STON1: variants seen among roughly 807,000 people sequenced by gnomAD.
STON1 encodes stonin-1.
STON1 carries 79 observed loss-of-function variants against 60.9 expected under a neutral mutation model. The ratio of observed to expected loss-of-function variants is 1.30; its 90% CI spans 1.08 to 1.56. The LOEUF (loss-of-function observed/expected upper bound fraction) is 1.56. STON1 is among the 40% of genes most tolerant of loss of function. The pLI is 0.00. For synonymous variants in STON1, 363 were observed against 306.9 expected, an observed-to-expected ratio of 1.18 and a Z score of -1.91; for missense variants, 1,166 against 858.9, an observed-to-expected ratio of 1.36 and a Z score of -4.47.
At chr2:48,549,055 TG>T (rs1671984000) in intron 1 of STON1, among the ~76,000 whole-genome samples, 2 of 152,168 alleles carry the variant, frequency 1.3e-5, no homozygotes, top group Non-Finnish European at 2.9e-5. Flanking sequence ...GCCTCTGTCT[TG>T]GAGATCACAG....
intron 1 of STON1, among the ~76,000 whole-genome samples, chr2:48,532,147 A>G (rs928748455): frequency 2.6e-5 from 4 of 152,158 alleles, no homozygotes; most frequent in African/African-American, 9.6e-5. Context: ...CAGGAGTTCG[A>G]GACCAGCCTG....
intron 1 of STON1, among the ~76,000 whole-genome samples, chr2:48,578,496 CT>C (rs939965299): frequency 5.4e-5 from 8 of 149,068 alleles, no homozygotes; most frequent in African/African-American, 2.0e-4. Context: ...AATTCTAATT[CT>C]CCTTTTTCTC....
rs868464963 is a variant in STON1 at position 48,564,596 on chromosome 2, C to T, written c.-47-15991C>T. Among the ~76,000 whole-genome samples the T allele has an allele frequency of 9.4e-3, 404 of 43,148 alleles. 83 individuals are homozygous for T. The highest frequency in any genetic ancestry group is 0.013 in the African/African-American group (170 of 13,146). 28.3% of individuals were successfully genotyped at this position (43,148 alleles called of 152,430 possible). ...TTCTCCTTCTCCTCCTCCTCCTCCT[C>T]CTCCTCCTTCTCCTTCTCCTTCTCC... On this transcript the variant is annotated intron_variant, in intron 1 of 3. Transcript: ENST00000404752.
chr2:48,562,001 C>T (rs1434268449), intron 1 of STON1, among the ~76,000 whole-genome samples: 1 of 152,322 alleles, frequency 6.6e-6, no homozygotes, highest in South Asian at 2.1e-4. Context: ...GCTGGGATTA[C>T]AGGCGTGCGC....
chr2:48,581,718 C>G lies in STON1; in HGVS notation c.1085C>G (p.Ser362Cys). 2.5e-6 allele frequency: 4 copies of G among 1,611,368 alleles called. No individual in the cohort carries two copies. Among genetic ancestry groups the G allele is most frequent in the Non-Finnish European group, 3.4e-6 (4 of 1,179,316 alleles). The change falls in exon 2 of 4, where the codon TCT (serine) becomes TGT (cysteine). Residue 362 changes from serine to cysteine, a missense_variant. Ser to Cys is a moderately radical substitution (Grantham distance 112). Transcript: ENST00000404752. The part of the protein sequence containing the change: ...VSYTEKRKYH[S>C]KTEVVHEPDI... ...TACACAGAAAAAAGGAAATACCATT[C>G]TAAGACAGAAGTAGTTCATGAACCT...
intron 1 of STON1, among the ~76,000 whole-genome samples, chr2:48,533,854 C>T (rs999965854): frequency 6.6e-6 from 1 of 151,028 alleles, no homozygotes; most frequent in African/African-American, 2.4e-5. Flanking sequence ...ATCGCAACCT[C>T]CACCTCCTGG....
At chr2:48,531,329 C>T (rs945828607) in intron 1 of STON1, 9 of 152,372 alleles carry the variant, frequency 5.9e-5, no homozygotes, top group African/African-American at 2.2e-4. Flanking sequence ...GCTGTGAAAA[C>T]AAGGCAATGG....
At chr2:48,538,763 ATTTTTT>A (rs34052598) in intron 1 of STON1, among the ~76,000 whole-genome samples, 5 of 86,364 alleles carry the variant, frequency 5.8e-5, no homozygotes, top group East Asian at 7.1e-4. Flanking sequence ...ACACCCAGCT[ATTTTTT>A]TTTTTTTTTT....
intron 1 of STON1, among the ~76,000 whole-genome samples, chr2:48,550,966 C>G (rs1315201042): frequency 1.3e-5 from 2 of 151,802 alleles, no homozygotes; most frequent in Non-Finnish European, 2.9e-5. Context: ...TTTCTTTTTA[C>G]TTAAAAAAAA....
chr2:48,545,876 C>T (rs186243268), intron 1 of STON1, among the ~76,000 whole-genome samples: 6 of 152,320 alleles, frequency 3.9e-5, no homozygotes, highest in Non-Finnish European at 8.8e-5. Flanking sequence ...GGTCATGATG[C>T]TAAGGCTGAC....
chr2:48,530,246 G>C (rs1232827648), intron 1 of STON1, 30 bp downstream of exon 1: 5 of 363,676 alleles, frequency 1.4e-5, no homozygotes, highest in African/African-American at 2.2e-5. Flanking sequence ...GGACAGAGAC[G>C]GGAGGCCTGG....
intron 1 of STON1, among the ~76,000 whole-genome samples, chr2:48,547,216 G>A (rs1671895901): frequency 6.6e-6 from 1 of 152,214 alleles, no homozygotes. Flanking sequence ...CAAATGAAAT[G>A]TTAGAAAAGA....
Position 48,553,174 on chromosome 2 carries a change from C to T in STON1, c.-48+22958C>T, listed in dbSNP as rs559753217. ...TGGTCAGAGCAGTGACAGCGCCCACCAGATCCAAGAGGAGGGGAAACAGAG... is the reference window on the plus strand; with the variant it reads ...TGGTCAGAGCAGTGACAGCGCCCACTAGATCCAAGAGGAGGGGAAACAGAG... On this transcript the variant is annotated intron_variant, in intron 1 of 3. Transcript: ENST00000404752. Among the ~76,000 whole-genome samples the T allele has an allele frequency of 1.4e-4, 22 of 152,222 alleles. No individual in the cohort carries two copies. The South Asian group carries it at 4.2e-3, about 29-fold the overall frequency.
intron 2 of STON1, among the ~76,000 whole-genome samples, chr2:48,583,055 G>A (rs1673991201): frequency 6.6e-6 from 1 of 152,038 alleles, no homozygotes; most frequent in Admixed American, 6.5e-5. Flanking sequence ...ATTGATTTTT[G>A]TTGACTGAAT....
chr2:48,564,563 T>TCTTCTC lies in STON1; in HGVS notation c.-47-16009_-47-16004dup, dbSNP rs1558605613. Among the ~76,000 whole-genome samples, 55 of 28,376 alleles carry TCTTCTC rather than the reference T, an allele frequency of 1.9e-3. 7 individuals carry two copies. Among genetic ancestry groups the TCTTCTC allele is most frequent in the African/African-American group, 8.9e-3 (51 of 5,740 alleles). The allele number at this position is 28,376 out of a possible 152,430, so 18.6% of individuals were successfully genotyped here. On this transcript the variant is annotated intron_variant, in intron 1 of 3. Coordinates refer to ENST00000404752, the MANE Select transcript of STON1 (RefSeq NM_006873.4). ...TTCTTCTTCTTCTTCTTCTTCTTCT[T>TCTTCTC]CTTCTCCTTCTCCTTCTCCTCCTCC... is the stretch of plus-strand genomic sequence containing the variant.
intron 1 of STON1, among the ~76,000 whole-genome samples, chr2:48,546,317 G>A (rs72872785): frequency 0.011 from 1,714 of 152,232 alleles, 33 homozygotes; most frequent in African/African-American, 0.039. Context: ...TTAACTCCTG[G>A]CTCCAGCTTG....
At chr2:48,553,178 T>A (rs899431436) in intron 1 of STON1, among the ~76,000 whole-genome samples, 2 of 152,108 alleles carry the variant, frequency 1.3e-5, no homozygotes, top group Non-Finnish European at 2.9e-5. Context: ...GCCCACCAGA[T>A]CCAAGAGGAG....
At chr2:48,536,271 G>A (rs543180080) in intron 1 of STON1, among the ~76,000 whole-genome samples, 1 of 152,152 alleles carries the variant, frequency 6.6e-6, no homozygotes, top group East Asian at 1.9e-4. Flanking sequence ...GAATACGCCA[G>A]GTGTGGTGGC....
chr2:48,542,780 T>C (rs1270233795), intron 1 of STON1, among the ~76,000 whole-genome samples: 4 of 152,058 alleles, frequency 2.6e-5, no homozygotes, highest in African/African-American at 9.7e-5. Flanking sequence ...GGCACATGCG[T>C]GTAATCCCAG....
Sources: allele counts gnomAD v4.1 joint callset (sites outside exome capture counted in the v4.1 genomes callset), GRCh38; gene constraint gnomAD v4.1.1; transcripts MANE v1.5; gene names NCBI Gene and HGNC (gene_info 2026-07-23, HGNC 2026-07-21).